The following POC1B variants were observed in gnomAD, a reference collection of about 807,000 sequenced individuals.
POC1B encodes POC1 centriolar protein homolog B.
In POC1B, 44 loss-of-function variants were observed where a neutral mutation model predicts 60.6. That is an observed-to-expected ratio of 0.73 (90% confidence interval 0.57 to 0.93). The LOEUF (loss-of-function observed/expected upper bound fraction) is 0.93, where lower values mean the gene tolerates loss of function less well. POC1B is among the 40% of genes least tolerant of loss of function. The pLI is 0.00. For synonymous variants in POC1B, 180 were observed against 198.9 expected (o/e 0.90, Z 0.80); for missense variants, 555 against 572.3 (o/e 0.97, Z 0.31).
At chr12:89,438,273 C>T (rs1033977540) in intron 10 of POC1B, among the ~76,000 whole-genome samples, 8 of 151,924 alleles carry the variant, frequency 5.3e-5, no homozygotes, top group Non-Finnish European at 1.0e-4. Context: ...CTGGCTAACA[C>T]GGTGAAACCC....
chr12:89,501,062 T>G, intron 2 of POC1B: 1 of 1,098,324 alleles, frequency 9.1e-7, no homozygotes, highest in South Asian at 1.3e-5. Context: ...GGGATTACTA[T>G]ACCAAGAAAG....
intron 4 of POC1B, among the ~76,000 whole-genome samples, chr12:89,484,369 G>A (rs12581312): frequency 6.6e-6 from 1 of 152,016 alleles, no homozygotes; most frequent in African/African-American, 2.4e-5. Flanking sequence ...ATAAAAGGAC[G>A]TTCTTTTTAA....
intron 2 of POC1B, among the ~76,000 whole-genome samples, chr12:89,514,575 A>G (rs1870359653): frequency 6.6e-6 from 1 of 151,268 alleles, no homozygotes; most frequent in Admixed American, 6.6e-5. Flanking sequence ...CACCTGGCTA[A>G]TTTTTTATTT....
intron 10 of POC1B, among the ~76,000 whole-genome samples, chr12:89,441,843 C>T (rs116883365): frequency 0.025 from 3,797 of 152,250 alleles, 74 homozygotes; most frequent in Non-Finnish European, 0.036. Context: ...GAAAGATGTT[C>T]GAACCCATCG....
chr12:89,438,223 C>T (rs1881358377), intron 10 of POC1B, among the ~76,000 whole-genome samples: 2 of 151,944 alleles, frequency 1.3e-5, no homozygotes, highest in Non-Finnish European at 2.9e-5. Context: ...TTTGGGAGGC[C>T]GAGGCGGGCG....
At chr12:89,525,256 G>A (rs768279815) in intron 1 of POC1B, 52 bp from the exon 2 acceptor site, 2 of 1,567,994 alleles carry the variant, frequency 1.3e-6, no homozygotes, top group South Asian at 2.3e-5. Context: ...CTCGAATTCT[G>A]GCGGCTGGGA....
chr12:89,496,914 G>A, intron 3 of POC1B: 1 of 406,074 alleles, frequency 2.5e-6, no homozygotes, highest in Non-Finnish European at 4.5e-6. Context: ...CAAAGGGATG[G>A]ATAGCTACCA....
chr12:89,433,011 A>C (rs1169887035), intron 10 of POC1B, among the ~76,000 whole-genome samples: 2 of 152,186 alleles, frequency 1.3e-5, no homozygotes, highest in East Asian at 3.8e-4. Flanking sequence ...TTCCAGGAGG[A>C]AACAGTGATC....
downstream of POC1B, among the ~76,000 whole-genome samples, chr12:89,419,563 A>T (rs753345073): frequency 3.9e-5 from 6 of 152,148 alleles, no homozygotes; most frequent in Admixed American, 1.3e-4. Context: ...ATTGGGCCCC[A>T]CCTGACCCAT....
chr12:89,418,907 A>G (rs1055481645), downstream of POC1B, among the ~76,000 whole-genome samples: 4 of 152,158 alleles, frequency 2.6e-5, no homozygotes, highest in African/African-American at 7.2e-5. Flanking sequence ...CACAAAGGGA[A>G]TAAGATAGGA....
At chr12:89,468,987 G>A (rs1369614047) in intron 7 of POC1B, among the ~76,000 whole-genome samples, 3 of 152,186 alleles carry the variant, frequency 2.0e-5, no homozygotes, top group Non-Finnish European at 4.4e-5. Context: ...TATCTAGGCT[G>A]GGCACAGTGG....
chr12:89,501,912 C>T (rs1022132962), intron 2 of POC1B: 50 of 1,129,634 alleles, frequency 4.4e-5, no homozygotes, highest in Non-Finnish European at 6.5e-5. Context: ...CTGGAGGTAT[C>T]ATTGGTCATG....
chr12:89,431,451 A>G (rs1881026330), intron 10 of POC1B, among the ~76,000 whole-genome samples: 1 of 151,968 alleles, frequency 6.6e-6, no homozygotes. Context: ...ACACACACAC[A>G]CACACGCACA....
chr12:89,482,865 T>C (rs1341272245), intron 4 of POC1B, among the ~76,000 whole-genome samples: 1 of 152,054 alleles, frequency 6.6e-6, no homozygotes, highest in African/African-American at 2.4e-5. Context: ...TCCTCACTTG[T>C]CATGGGAGGG....
At chr12:89,512,113 C>T (rs1303368024) in intron 2 of POC1B, among the ~76,000 whole-genome samples, 1 of 152,126 alleles carries the variant, frequency 6.6e-6, no homozygotes, top group Non-Finnish European at 1.5e-5. Context: ...AGACAATATT[C>T]CAATCTTGAC....
the POC1B span, among the ~76,000 whole-genome samples, chr12:89,413,422 C>G: frequency 6.6e-6 from 1 of 151,998 alleles, no homozygotes; most frequent in African/African-American, 2.4e-5. Flanking sequence ...GCCTCCAACT[C>G]CTGGCCTTAA....
intron 6 of POC1B, among the ~76,000 whole-genome samples, chr12:89,471,225 C>G (rs1182308183): frequency 6.6e-6 from 1 of 152,092 alleles, no homozygotes; most frequent in Non-Finnish European, 1.5e-5. Context: ...TCTTTTAGTT[C>G]AATATCAATA....
rs150642929 is a variant in POC1B at position 89,497,918 on chromosome 12, C to T, written c.101-576G>A. On this transcript the variant is annotated intron_variant, in intron 2 of 11. Coordinates refer to ENST00000313546, the MANE Select transcript of POC1B (RefSeq NM_172240.3). ...TTGTTTCTCCTTGCGCATGAACACA[C>T]GTAAACCCACACACACAAACACATA... Among the ~76,000 whole-genome samples, 1,147 of 152,248 alleles carry T rather than the reference C, an allele frequency of 7.5e-3. 9 individuals carry two copies. The highest frequency in any genetic ancestry group is 0.013 in the Non-Finnish European group (864 of 68,010).
chr12:89,427,929 T>A (rs918534447), intron 10 of POC1B: 1 of 152,228 alleles, frequency 6.6e-6, no homozygotes, highest in African/African-American at 2.4e-5. Flanking sequence ...CACCTATTCA[T>A]GCTCTGAGCT....
Sources: allele counts gnomAD v4.1 joint callset (sites outside exome capture counted in the v4.1 genomes callset), GRCh38; gene constraint gnomAD v4.1.1; transcripts MANE v1.5; gene names NCBI Gene and HGNC (gene_info 2026-07-23, HGNC 2026-07-21).